Variants in LDB2 observed in about 807,000 individuals in gnomAD.
The protein encoded by LDB2 is LIM domain-binding protein 2.
A neutral mutation model predicts 44.3 loss-of-function variants in LDB2; 12 were observed. The observed-to-expected ratio is 0.27, with a 90% CI of 0.17 to 0.44. The LOEUF is 0.44. Among genes scored for constraint, LDB2 ranks in the 20% least tolerant of loss-of-function variants. The pLI is 1.00. For missense variants in LDB2, 344 were observed against 473.5 expected, an observed-to-expected ratio of 0.73 and a Z score of 2.54; for synonymous variants, 164 against 174.8, an observed-to-expected ratio of 0.94 and a Z score of 0.49.
At chr4:16,524,266 CT>C (rs912560585) in intron 5 of LDB2, among the ~76,000 whole-genome samples, 1 of 152,194 alleles carries the variant, frequency 6.6e-6, no homozygotes, top group African/African-American at 2.4e-5. Flanking sequence ...GCTCCCTCCC[CT>C]GAGGCTCCCT....
chr4:16,609,458 T>C (rs1254409214), intron 2 of LDB2, among the ~76,000 whole-genome samples: 1 of 151,958 alleles, frequency 6.6e-6, no homozygotes, highest in African/African-American at 2.4e-5. Flanking sequence ...CTAAGCTCCC[T>C]AGGTAGGGGA....
intron 2 of LDB2, among the ~76,000 whole-genome samples, chr4:16,715,069 T>C (rs528016727): frequency 6.6e-6 from 1 of 152,302 alleles, no homozygotes; most frequent in Non-Finnish European, 1.5e-5. Context: ...GACCAGCTTG[T>C]TTCTAAGTGC....
chr4:16,545,058 A>T (rs888764385), intron 5 of LDB2, among the ~76,000 whole-genome samples: 1 of 152,140 alleles, frequency 6.6e-6, no homozygotes. Flanking sequence ...GAAGTATTTC[A>T]TGGAGAAACA....
chr4:16,657,556 G>T (rs1740253926), intron 2 of LDB2, among the ~76,000 whole-genome samples: 1 of 152,152 alleles, frequency 6.6e-6, no homozygotes, highest in Non-Finnish European at 1.5e-5. Flanking sequence ...AAATACACAA[G>T]TCTGCCACAA....
At chr4:16,814,112 C>T (rs867939711) in intron 1 of LDB2, among the ~76,000 whole-genome samples, 11 of 152,094 alleles carry the variant, frequency 7.2e-5, no homozygotes, top group South Asian at 2.1e-4. Context: ...CCTCGTGATC[C>T]GCCCGCCTCG....
chr4:16,552,586 C>A (rs557754232), intron 5 of LDB2, among the ~76,000 whole-genome samples: 2 of 152,196 alleles, frequency 1.3e-5, no homozygotes, highest in African/African-American at 4.8e-5. Context: ...TTAATCCCAT[C>A]CCCTCTTGCC....
chr4:16,868,279 C>T (rs1580354875), intron 1 of LDB2, among the ~76,000 whole-genome samples: 1 of 152,274 alleles, frequency 6.6e-6, no homozygotes, highest in Non-Finnish European at 1.5e-5. Context: ...AATTTGGGGA[C>T]TCCTGATAGG....
chr4:16,897,675 G>T (rs939495173), intron 1 of LDB2, among the ~76,000 whole-genome samples: 4 of 151,724 alleles, frequency 2.6e-5, no homozygotes, highest in Non-Finnish European at 4.4e-5. Context: ...AGAGTGATAG[G>T]GGGGCACGGC....
At chr4:16,697,986 A>C (rs1752587376) in intron 2 of LDB2, among the ~76,000 whole-genome samples, 1 of 152,240 alleles carries the variant, frequency 6.6e-6, no homozygotes, top group Non-Finnish European at 1.5e-5. Flanking sequence ...TTTTTAAAAA[A>C]TGAATTCCAT....
chr4:16,637,111 T>C (rs1044244758), intron 2 of LDB2, among the ~76,000 whole-genome samples: 4 of 152,204 alleles, frequency 2.6e-5, no homozygotes, highest in African/African-American at 9.6e-5. Context: ...TGTAAATCAC[T>C]GGCTTTGGAA....
chr4:16,603,111 A>G (rs1477341261), intron 2 of LDB2, among the ~76,000 whole-genome samples: 1 of 152,180 alleles, frequency 6.6e-6, no homozygotes, highest in East Asian at 1.9e-4. Context: ...TGTGTCTTTC[A>G]TGGTGACAAA....
rs75008491 is a variant in LDB2, at chr4:16,827,909, C to T, written c.133-68649G>A. ...GATTTCGTATCCTCTTATCTCCTAA[C>T]GGCCATCAGGCAGAAAGGAGCAGCT... On this transcript the variant is annotated intron_variant, in intron 1 of 7. Transcript: ENST00000304523. Among the ~76,000 whole-genome samples, 1,465 of 152,238 alleles carry T rather than the reference C, an allele frequency of 9.6e-3. 26 individuals carry two copies. Among genetic ancestry groups the T allele is most frequent in the African/African-American group, 0.033 (1,374 of 41,532 alleles).
chr4:16,763,157 C>T (rs78475683), intron 1 of LDB2, among the ~76,000 whole-genome samples: 2,508 of 145,884 alleles, frequency 0.017, 44 homozygotes, highest in East Asian at 0.084. Context: ...AGAACATCCT[C>T]GAAATAAAAA....
chr4:16,503,361 G>GTAT (rs1358800216), intron 7 of LDB2, among the ~76,000 whole-genome samples: 3 of 152,016 alleles, frequency 2.0e-5, no homozygotes, highest in African/African-American at 7.2e-5. Context: ...ATTCCAAACG[G>GTAT]TATTTTCTCT....
At chr4:16,684,605 G>T (rs959938612) in intron 2 of LDB2, among the ~76,000 whole-genome samples, 1 of 152,164 alleles carries the variant, frequency 6.6e-6, no homozygotes, top group African/African-American at 2.4e-5. Flanking sequence ...TCTAGATAGC[G>T]AAACCTTGTT....
At chr4:16,893,137 A>C in intron 1 of LDB2, 2 of 862,572 alleles carry the variant, frequency 2.3e-6, no homozygotes, top group Non-Finnish European at 2.8e-6. Flanking sequence ...TCATTTTTAA[A>C]ACTGCACTTT....
chr4:16,617,490 C>A (rs1233665071), intron 2 of LDB2, among the ~76,000 whole-genome samples: 3 of 152,130 alleles, frequency 2.0e-5, no homozygotes, highest in Non-Finnish European at 4.4e-5. Context: ...GTGATTAACA[C>A]CCAGTGGAGA....
chr4:16,896,819 G>A (rs776490047), intron 1 of LDB2, among the ~76,000 whole-genome samples: 8 of 152,106 alleles, frequency 5.3e-5, no homozygotes, highest in Non-Finnish European at 8.8e-5. Context: ...ACACACAGTT[G>A]CAAAGATCTG....
chr4:16,839,488 C>T (rs1392291603), intron 1 of LDB2, among the ~76,000 whole-genome samples: 2 of 152,216 alleles, frequency 1.3e-5, no homozygotes, highest in African/African-American at 4.8e-5. Context: ...ACCTCCAACA[C>T]TGGGGAGCAA....
Sources: allele counts gnomAD v4.1 joint callset (sites outside exome capture counted in the v4.1 genomes callset), GRCh38; gene constraint gnomAD v4.1.1; transcripts MANE v1.5; gene names NCBI Gene and HGNC (gene_info 2026-07-23, HGNC 2026-07-21).